The following SMAP1 variants were observed in gnomAD, a reference collection of about 807,000 sequenced individuals.
SMAP1 encodes small ArfGAP 1, also known as stromal membrane-associated protein 1.
Under a neutral mutation model 58.5 loss-of-function variants are expected in SMAP1, and 24 were observed. The ratio of observed to expected loss-of-function variants is 0.41; its 90% CI spans 0.30 to 0.58. The LOEUF (loss-of-function observed/expected upper bound fraction) is 0.58, where lower values mean the gene tolerates loss of function less well. Among genes scored for constraint, SMAP1 ranks in the 20% least tolerant of loss-of-function variants. The pLI is 0.29. For synonymous variants in SMAP1, 216 were observed against 196.6 expected (o/e 1.10, Z -0.82); for missense variants, 563 against 566.3 (o/e 0.99, Z 0.06).
At chr6:70,700,053 G>C (rs1337963993) in intron 1 of SMAP1, among the ~76,000 whole-genome samples, 1 of 152,054 alleles carries the variant, frequency 6.6e-6, no homozygotes, top group Non-Finnish European at 1.5e-5. Context: ...CCTGGTGGGA[G>C]GTTTGTGGGT....
At chr6:70,817,085 G>T (rs938692527) in intron 6 of SMAP1, among the ~76,000 whole-genome samples, 5 of 150,512 alleles carry the variant, frequency 3.3e-5, no homozygotes, top group African/African-American at 9.7e-5. Context: ...CCCAGAAGCA[G>T]TAGCTCTCCA....
intron 4 of SMAP1, among the ~76,000 whole-genome samples, chr6:70,789,193 T>A (rs902730632): frequency 1.1e-4 from 16 of 152,186 alleles, no homozygotes; most frequent in African/African-American, 3.6e-4. Flanking sequence ...TATTGAAATA[T>A]AATTCATATA....
chr6:70,708,214 A>G (rs1767916706), intron 1 of SMAP1, among the ~76,000 whole-genome samples: 1 of 152,090 alleles, frequency 6.6e-6, no homozygotes, highest in African/African-American at 2.4e-5. Context: ...GAGATTATAC[A>G]ATATTTTTCT....
At chr6:70,703,024 G>T (rs1767698128) in intron 1 of SMAP1, among the ~76,000 whole-genome samples, 3 of 151,896 alleles carry the variant, frequency 2.0e-5, no homozygotes, top group Admixed American at 6.6e-5. Context: ...GTAATTTGAG[G>T]GTTTGTTTCG....
chr6:70,797,131 C>G (rs1253481739), intron 5 of SMAP1, among the ~76,000 whole-genome samples: 1 of 152,138 alleles, frequency 6.6e-6, no homozygotes, highest in Non-Finnish European at 1.5e-5. Context: ...ATTGCTTATT[C>G]ATGCCCCAAA....
chr6:70,693,024 C>T (rs1767239584), intron 1 of SMAP1, among the ~76,000 whole-genome samples: 1 of 152,158 alleles, frequency 6.6e-6, no homozygotes. Flanking sequence ...ACTTCATGAT[C>T]TGCCCACCTC....
chr6:70,702,212 T>G (rs1234723743), intron 1 of SMAP1, among the ~76,000 whole-genome samples: 2 of 151,054 alleles, frequency 1.3e-5, no homozygotes, highest in Non-Finnish European at 3.0e-5. Context: ...GTTTCTTTTT[T>G]GGGGGGGGTT....
At chr6:70,770,586 G>T (rs1360149882) in intron 3 of SMAP1, among the ~76,000 whole-genome samples, 1 of 152,128 alleles carries the variant, frequency 6.6e-6, no homozygotes, top group South Asian at 2.1e-4. Context: ...TCGAGCCTTG[G>T]CTTTCAGCTC....
intron 1 of SMAP1, among the ~76,000 whole-genome samples, chr6:70,669,687 A>C (rs950416401): frequency 1.3e-5 from 2 of 152,222 alleles, no homozygotes; most frequent in African/African-American, 4.8e-5. Context: ...AAGAAGAAGA[A>C]AGAAGCTGAA....
intron 4 of SMAP1, 21 bp from the exon 5 acceptor site, chr6:70,791,668 C>G (rs1174651310): frequency 6.2e-7 from 1 of 1,600,762 alleles, no homozygotes; most frequent in Non-Finnish European, 8.5e-7. Flanking sequence ...TTCCTCCTGA[C>G]TTTTCACCTG....
At chr6:70,814,289 G>C (rs1249898877) in intron 6 of SMAP1, among the ~76,000 whole-genome samples, 2 of 152,148 alleles carry the variant, frequency 1.3e-5, no homozygotes, top group Non-Finnish European at 2.9e-5. Flanking sequence ...AATGATAATT[G>C]AGATATTGCA....
chr6:70,727,433 A>G (rs1765230137), intron 1 of SMAP1, among the ~76,000 whole-genome samples: 1 of 152,120 alleles, frequency 6.6e-6, no homozygotes, highest in Non-Finnish European at 1.5e-5. Context: ...ATCAAATGCC[A>G]CTGTCTCTAC....
rs572460850 is a variant in SMAP1, at chr6:70,805,636, G to A, written c.576+6899G>A. On this transcript the variant is annotated intron_variant, in intron 6 of 10. Coordinates refer to ENST00000370455, the MANE Select transcript of SMAP1 (RefSeq NM_001044305.3). ...GCTCTGGTTTCTTCCCATCTTTGTG[G>A]TTTTATCTACCTTTGGTCTTTGATG... is the stretch of plus-strand genomic sequence containing the variant. 1.7e-4 allele frequency among the ~76,000 whole-genome samples: 26 copies of A among 152,284 alleles called. No homozygotes were observed. The South Asian group carries it at 3.5e-3, about 21-fold the overall frequency.
rs377656591 is a variant in SMAP1, at chr6:70,689,515, C to T, written c.118+21374C>T. On this transcript the variant is annotated intron_variant, in intron 1 of 10. Transcript: ENST00000370455. ...AGTAAGTAAGGTAGTGTAAGTCTTC[C>T]AACTTTGTTATTTTTTTCGAAGTTG... 2.0e-5 allele frequency among the ~76,000 whole-genome samples: 3 copies of T among 152,186 alleles called. No individual in the cohort carries two copies. The East Asian group carries it at 5.8e-4, about 29-fold the overall frequency.
chr6:70,760,194 G>A (rs1217784256), intron 3 of SMAP1, among the ~76,000 whole-genome samples: 3 of 152,052 alleles, frequency 2.0e-5, no homozygotes, highest in Non-Finnish European at 4.4e-5. Flanking sequence ...AGATCTAGGT[G>A]AAGATTTCAA....
intron 1 of SMAP1, among the ~76,000 whole-genome samples, chr6:70,711,165 A>G (rs1582042439): frequency 6.6e-6 from 1 of 152,344 alleles, no homozygotes; most frequent in South Asian, 2.1e-4. Flanking sequence ...CCAGTACCAT[A>G]GTCATTTATT....
chr6:70,695,115 C>T lies in SMAP1; in HGVS notation c.118+26974C>T, dbSNP rs553752077. Among the ~76,000 whole-genome samples the T allele has an allele frequency of 2.0e-5, 3 of 152,242 alleles. No individual in the cohort carries two copies. The East Asian group carries it at 5.8e-4, about 29-fold the overall frequency. On this transcript the variant is annotated intron_variant, in intron 1 of 10. Coordinates refer to ENST00000370455, the MANE Select transcript of SMAP1 (RefSeq NM_001044305.3). ...GTTTGCTCTTGACGTAGAAATGCTA[C>T]TGATTTTTGTATATTGATTGTGTAT...
chr6:70,746,762 T>A (rs960519293), intron 2 of SMAP1, among the ~76,000 whole-genome samples: 1 of 152,214 alleles, frequency 6.6e-6, no homozygotes, highest in Non-Finnish European at 1.5e-5. Flanking sequence ...AGCTCCTCTT[T>A]GTACCTCTGG....
chr6:70,835,029 C>T (rs1293487407), intron 6 of SMAP1, among the ~76,000 whole-genome samples: 1 of 151,034 alleles, frequency 6.6e-6, no homozygotes, highest in African/African-American at 2.4e-5. Flanking sequence ...GCTAGCGGAT[C>T]ATGAGGTCAG....
Sources: allele counts gnomAD v4.1 joint callset (sites outside exome capture counted in the v4.1 genomes callset), GRCh38; gene constraint gnomAD v4.1.1; transcripts MANE v1.5; gene names NCBI Gene and HGNC (gene_info 2026-07-23, HGNC 2026-07-21).